PTPN11: variants seen among roughly 807,000 people sequenced by gnomAD.
PTPN11 encodes the protein protein tyrosine phosphatase non-receptor type 11, also known as tyrosine-protein phosphatase non-receptor type 11.
Under a neutral mutation model 78.8 loss-of-function variants are expected in PTPN11, and 6 were observed. That is an observed-to-expected ratio of 0.08 (90% CI 0.04 to 0.15). The LOEUF is 0.15. Among genes scored for constraint, PTPN11 ranks in the 10% least tolerant of loss-of-function variants. The pLI, the probability that PTPN11 is intolerant of heterozygous loss-of-function variation, is 1.00. For missense variants in PTPN11, 386 were observed against 744.8 expected (o/e 0.52, Z 5.61); for synonymous variants, 221 against 263.5 (o/e 0.84, Z 1.56).
intron 1 of PTPN11, among the ~76,000 whole-genome samples, chr12:112,425,386 A>G (rs533124783): frequency 2.0e-5 from 3 of 152,038 alleles, no homozygotes; most frequent in South Asian, 2.1e-4. Context: ...CTCTTTTACT[A>G]TAGGATATTA....
At chr12:112,492,114 T>G (rs941393276) in intron 13 of PTPN11, among the ~76,000 whole-genome samples, 1 of 152,256 alleles carries the variant, frequency 6.6e-6, no homozygotes, top group Non-Finnish European at 1.5e-5. Context: ...TTTAGCAGAA[T>G]GCCTTTCAGT....
chr12:112,454,820 T>A, intron 5 of PTPN11, 140 bp downstream of exon 5: 3 of 336,336 alleles, frequency 8.9e-6, no homozygotes, highest in Non-Finnish European at 5.7e-6. Flanking sequence ...TATCAAATCT[T>A]TTTTTTTTTT....
At position 112,504,092 on chromosome 12, in the gene PTPN11, C is replaced by A. The variant is rs2038906985; in HGVS notation, c.1713-603C>A. ...TTTCATTCTATGTGTGCATTTCCAA[C>A]CTTTCTTCACAGTGCGATCCAAATG... On this transcript the variant is annotated intron_variant, in intron 14 of 15. Coordinates refer to ENST00000351677, the MANE Select transcript of PTPN11 (RefSeq NM_002834.5). This position sits in a 1 kb window ranked among gnomAD's most constrained non-coding sequence, Gnocchi z 4.7. Among the ~76,000 whole-genome samples, 1 of 152,226 alleles carries A rather than the reference C, an allele frequency of 6.6e-6. No individual in the cohort carries two copies. Among genetic ancestry groups the A allele is most frequent in the East Asian group, 1.9e-4 (1 of 5,204 alleles).
chr12:112,425,114 A>T (rs1304303639), intron 1 of PTPN11, among the ~76,000 whole-genome samples: 1 of 151,666 alleles, frequency 6.6e-6, no homozygotes, highest in Non-Finnish European at 1.5e-5. Flanking sequence ...TCGGCCTCCA[A>T]AGTGCTGGAG....
chr12:112,504,578 GTGTC>G lies in PTPN11; in HGVS notation c.1713-113_1713-110del, dbSNP rs2038912592. 1 of 768,880 alleles carries G rather than the reference GTGTC, an allele frequency of 1.3e-6. No individual in the cohort carries two copies. The highest frequency in any genetic ancestry group is 2.3e-6 in the Non-Finnish European group (1 of 439,948). 47.6% of individuals were successfully genotyped at this position (768,880 alleles called of 1,614,324 possible). ...ATGTCAGGTCCTAGGCACAGGAACT[GTGTC>G]TGTACCATATCTGGTGCCCAAAGAA... On this transcript the variant is annotated intron_variant, in intron 14 of 15. Coordinates refer to ENST00000351677, the MANE Select transcript of PTPN11 (RefSeq NM_002834.5). The surrounding 1 kb of genome is among the most constrained non-coding windows in gnomAD (Gnocchi z 4.7).
Position 112,422,980 on chromosome 12 carries a change from C to T in PTPN11, c.14+3855C>T, listed in dbSNP as rs867830093. ...AACACAGACAGTACTTGCCATCCAA[C>T]GCCAATGTTTTTAAGGAAGAAAGAG... On this transcript the variant is annotated intron_variant, in intron 1 of 15. Coordinates refer to ENST00000351677, the MANE Select transcript of PTPN11 (RefSeq NM_002834.5). Among the ~76,000 whole-genome samples, 56 of 152,286 alleles carry T rather than the reference C, an allele frequency of 3.7e-4. 1 individual carries two copies. The highest frequency in any genetic ancestry group is 6.8e-3 in the Middle Eastern group (2 of 294).
chr12:112,484,259 G>A (rs2038640387), intron 10 of PTPN11, among the ~76,000 whole-genome samples: 1 of 152,252 alleles, frequency 6.6e-6, no homozygotes, highest in African/African-American at 2.4e-5. Flanking sequence ...AGAAATTTCT[G>A]TGCTGTGCCA....
intron 13 of PTPN11, among the ~76,000 whole-genome samples, chr12:112,492,684 A>AT (rs1409240674): frequency 8.6e-5 from 13 of 151,786 alleles, no homozygotes; most frequent in African/African-American, 2.9e-4. Flanking sequence ...CACCTGGCTA[A>AT]TTTTTTGTAT....
At chr12:112,505,733 A>G (rs1456254283) in intron 15 of PTPN11, 92 bp from the exon 16 acceptor site, 2 of 151,916 alleles carry the variant, frequency 1.3e-5, no homozygotes, top group African/African-American at 2.4e-5. Context: ...TAGTGTAGTT[A>G]AAAGCTCTAA....
intron 1 of PTPN11, among the ~76,000 whole-genome samples, chr12:112,423,381 G>C (rs2037555403): frequency 6.6e-6 from 1 of 152,092 alleles, no homozygotes; most frequent in Non-Finnish European, 1.5e-5. Context: ...CACCTCTTGG[G>C]TTCAAACAAT....
intron 2 of PTPN11, among the ~76,000 whole-genome samples, chr12:112,449,744 T>C (rs1391235510): frequency 6.6e-6 from 1 of 152,068 alleles, no homozygotes; most frequent in East Asian, 1.9e-4. Flanking sequence ...TATATGCAAT[T>C]CGATAGGCCA....
intron 13 of PTPN11, among the ~76,000 whole-genome samples, chr12:112,494,240 T>A (rs1329199290): frequency 6.6e-6 from 1 of 152,180 alleles, no homozygotes; most frequent in East Asian, 1.9e-4. Flanking sequence ...GATGTTGATG[T>A]TGTTCCACTT....
In PTPN11 at chr12:112,419,097, G is replaced by A. The variant is rs2037473458; in HGVS notation, c.-15G>A. ...AAGGAGCGGGTCCGTCGCGGAGCCGGAGGGCGGGAGGAACATGACATCGCG... is the reference window on the plus strand; with the variant it reads ...AAGGAGCGGGTCCGTCGCGGAGCCGAAGGGCGGGAGGAACATGACATCGCG... On this transcript the variant is annotated 5_prime_UTR_variant, in exon 1 of 16. Coordinates refer to ENST00000351677, the MANE Select transcript of PTPN11 (RefSeq NM_002834.5). 1 of 1,531,710 alleles carries A rather than the reference G, an allele frequency of 6.5e-7. No individual in the cohort carries two copies. Among genetic ancestry groups the A allele is most frequent in the African/African-American group, 1.4e-5 (1 of 70,968 alleles). 94.9% of individuals were successfully genotyped at this position (1,531,710 alleles called of 1,614,324 possible).
At position 112,508,590 on chromosome 12, in the gene PTPN11, C is replaced by A. The variant is rs1185127886; in HGVS notation, c.*2798C>A. 6.6e-6 allele frequency: 1 copy of A among 152,088 alleles called. No individual in the cohort carries two copies. Among genetic ancestry groups the A allele is most frequent in the Non-Finnish European group, 1.5e-5 (1 of 68,028 alleles). The allele number at this position is 152,088 out of a possible 1,614,324, so 9.4% of individuals were successfully genotyped here. A position where few individuals can be genotyped will look rare whatever the true frequency, so the allele number is the denominator to read the frequency against. On this transcript the variant is annotated 3_prime_UTR_variant, in exon 16 of 16. Transcript: ENST00000351677. ...GTGGGTATTAAATATGCACAATATT[C>A]CATAGCTCACTGAGGATTTTAAAAT...
chr12:112,480,145 G>A (rs776312535), intron 9 of PTPN11, among the ~76,000 whole-genome samples: 1 of 152,064 alleles, frequency 6.6e-6, no homozygotes, highest in Non-Finnish European at 1.5e-5. Context: ...TTCTTTTCAG[G>A]GTCATGATTT....
chr12:112,420,414 C>T (rs948130515), intron 1 of PTPN11, among the ~76,000 whole-genome samples: 1 of 151,664 alleles, frequency 6.6e-6, no homozygotes, highest in African/African-American at 2.4e-5. Flanking sequence ...GGCGCAATCT[C>T]GGCTCACCAC....
At chr12:112,488,767 A>G (rs2038710404) in intron 12 of PTPN11, among the ~76,000 whole-genome samples, 1 of 152,162 alleles carries the variant, frequency 6.6e-6, no homozygotes, top group East Asian at 1.9e-4. Flanking sequence ...CTATCCAGCC[A>G]CCTGACCTTG....
chr12:112,444,117 G>A (rs538436857), intron 1 of PTPN11, among the ~76,000 whole-genome samples: 1 of 152,248 alleles, frequency 6.6e-6, no homozygotes, highest in East Asian at 1.9e-4. Flanking sequence ...CCTCAGGGGA[G>A]CGGCATTCAA....
In PTPN11 at chr12:112,450,372, C is replaced by T. The variant is rs2135862175; in HGVS notation, c.192C>T (p.Asp64=). 6.2e-7 allele frequency: 1 copy of T among 1,613,232 alleles called. No homozygotes were observed. The highest frequency in any genetic ancestry group is 8.5e-7 in the Non-Finnish European group (1 of 1,179,248). Residue 64 remains aspartate (D), a synonymous_variant, in exon 3 of 16, where the codon GAC becomes GAT. Transcript: ENST00000351677. ...IKIQNTGDYY[D]LYGGEKFATL... is the part of the protein sequence containing the mutation. ...TTCAGAACACTGGTGATTACTATGA[C>T]CTGTATGGAGGGGAGAAATTTGCCA...
Sources: gnomAD v4.1 joint callset for allele counts (sites outside exome capture counted in the v4.1 genomes callset) on GRCh38, gnomAD v4.1.1 for gene constraint, Gnocchi (gnomAD v3.1) non-coding constraint, MANE v1.5 for transcripts, NCBI Gene and HGNC (gene_info 2026-07-23, HGNC 2026-07-21) for gene names.